The following CAPN9 variants were observed in gnomAD, a reference collection of about 807,000 sequenced individuals.
CAPN9 encodes the protein calpain-9.
Under a neutral mutation model 92.8 loss-of-function variants are expected in CAPN9, and 81 were observed. That is an observed-to-expected ratio of 0.87 (90% confidence interval 0.73 to 1.05). CAPN9 has a LOEUF of 1.05. CAPN9 is among the 50% of genes least tolerant of loss of function. CAPN9 has a pLI of 0.00. For synonymous variants in CAPN9, 304 were observed against 328.0 expected (o/e 0.93, Z 0.79); for missense variants, 848 against 866.2 (o/e 0.98, Z 0.26).
chr1:230,799,337 G>A (rs556917433), intron 19 of CAPN9, among the ~76,000 whole-genome samples: 1 of 152,290 alleles, frequency 6.6e-6, no homozygotes, highest in South Asian at 2.1e-4. Flanking sequence ...TACAGAAAGA[G>A]ACATAGGCCT....
intron 1 of CAPN9, among the ~76,000 whole-genome samples, chr1:230,751,566 G>A (rs1428048903): frequency 7.4e-6 from 1 of 135,996 alleles, no homozygotes; most frequent in Admixed American, 8.0e-5. Flanking sequence ...AGAAGAGAAA[G>A]AAAGAAAGAA....
chr1:230,801,843 G>A lies in CAPN9; in HGVS notation c.*247G>A. On this transcript the variant is annotated 3_prime_UTR_variant, in exon 20 of 20. Coordinates refer to ENST00000271971, the MANE Select transcript of CAPN9 (RefSeq NM_006615.3). ...GGCGCCACCTGTGCCTTACATCCAGGTTCAGGCATCACTAGCTTTCCCACA... is the reference window on the plus strand; with the variant it reads ...GGCGCCACCTGTGCCTTACATCCAGATTCAGGCATCACTAGCTTTCCCACA... 7.4e-6 allele frequency: 4 copies of A among 541,638 alleles called. No individual in the cohort carries two copies. Among genetic ancestry groups the A allele is most frequent in the Non-Finnish European group, 1.3e-5 (4 of 303,698 alleles). 33.6% of individuals were successfully genotyped at this position (541,638 alleles called of 1,614,324 possible).
intron 18 of CAPN9, among the ~76,000 whole-genome samples, chr1:230,796,749 C>G (rs1668385149): frequency 1.3e-5 from 2 of 152,112 alleles, no homozygotes; most frequent in African/African-American, 4.8e-5. Flanking sequence ...ATGAGATTTG[C>G]TAGTTTCTCT....
At position 230,785,412 on chromosome 1, in the gene CAPN9, C is replaced by A. The variant is rs550195509; in HGVS notation, c.1482-569C>A. On this transcript the variant is annotated intron_variant, in intron 11 of 19. Coordinates refer to ENST00000271971, the MANE Select transcript of CAPN9 (RefSeq NM_006615.3). ...ACCAAATCTGATGTTGAATTGTAAT[C>A]CCCAGTGTTAGGGGTGGGGCTTGAT... Among the ~76,000 whole-genome samples the A allele has an allele frequency of 7.2e-5, 11 of 152,254 alleles. No homozygotes were observed. In the East Asian group the frequency reaches 2.1e-3, roughly 29 times the overall value.
intron 7 of CAPN9, among the ~76,000 whole-genome samples, chr1:230,773,802 T>C (rs908390318): frequency 6.6e-6 from 1 of 151,942 alleles, no homozygotes; most frequent in African/African-American, 2.4e-5. Context: ...TGAGGTTGAG[T>C]TGAGATCACA....
At chr1:230,761,011 C>T (rs143220121) in intron 3 of CAPN9, among the ~76,000 whole-genome samples, 10 of 152,220 alleles carry the variant, frequency 6.6e-5, no homozygotes, top group East Asian at 3.9e-4. Flanking sequence ...CATTAACTCC[C>T]GAGGACACTG....
intron 4 of CAPN9, among the ~76,000 whole-genome samples, chr1:230,766,754 TC>T (rs967424787): frequency 9.9e-5 from 15 of 152,282 alleles, no homozygotes; most frequent in African/African-American, 3.4e-4. Flanking sequence ...TCAATTGGAC[TC>T]ACAGTTCCAC....
chr1:230,777,545 C>T (rs1160864364), intron 8 of CAPN9, among the ~76,000 whole-genome samples: 1 of 151,892 alleles, frequency 6.6e-6, no homozygotes, highest in Non-Finnish European at 1.5e-5. Flanking sequence ...TTTCTCCTAC[C>T]TGCAAAGAAA....
At chr1:230,768,855 G>C (rs150893492) in intron 5 of CAPN9, among the ~76,000 whole-genome samples, 1 of 152,076 alleles carries the variant, frequency 6.6e-6, no homozygotes, top group South Asian at 2.1e-4. Context: ...TTCGTCTCTG[G>C]GATGTATGTG....
At chr1:230,778,951 G>T in intron 8 of CAPN9, 22 bp from the exon 9 acceptor site, 1 of 1,606,288 alleles carries the variant, frequency 6.2e-7, no homozygotes, top group East Asian at 2.2e-5. Context: ...CCTGTGCATC[G>T]TGTCTCTCCG....
chr1:230,795,868 C>T (rs922063222), intron 18 of CAPN9, among the ~76,000 whole-genome samples: 3 of 152,038 alleles, frequency 2.0e-5, no homozygotes, highest in African/African-American at 7.2e-5. Flanking sequence ...GCCAAAGGAC[C>T]CGTGCCCTCA....
chr1:230,779,189 G>C, intron 9 of CAPN9, 56 bp downstream of exon 9: 1 of 1,538,722 alleles, frequency 6.5e-7, no homozygotes, highest in South Asian at 1.1e-5. Context: ...TTCCAACTCA[G>C]GACACCAAAG....
intron 9 of CAPN9, 72 bp from the exon 10 acceptor site, chr1:230,780,081 CGTGTGTGTGTGTGTGTGTGTGTGTGT>C: frequency 4.6e-6 from 3 of 645,974 alleles, no homozygotes; most frequent in Non-Finnish European, 7.9e-6. Flanking sequence ...GGTGTATGTG[CGTGTGTGTGTGTGTGTGTGTGTGTGT>C]GTGTGTGTGT....
chr1:230,793,648 TAAAGTGGTTCTCTCCCAGGG>T (rs1259349705), intron 17 of CAPN9, among the ~76,000 whole-genome samples: 2 of 152,194 alleles, frequency 1.3e-5, no homozygotes, highest in African/African-American at 4.8e-5. Flanking sequence ...CTGAACCTTT[TAAAGTGGTTCTCTCCCAGGG>T]AAAGCAAAAT....
intron 4 of CAPN9, among the ~76,000 whole-genome samples, chr1:230,765,438 C>T (rs11122589): frequency 0.053 from 8,062 of 152,198 alleles, 387 homozygotes; most frequent in East Asian, 0.25. Flanking sequence ...GTAGGTGGAT[C>T]ACCTGAGGTC....
chr1:230,769,663 AT>A lies in CAPN9; in HGVS notation c.789+401del, dbSNP rs1218378875. On this transcript the variant is annotated intron_variant, in intron 6 of 19. Transcript: ENST00000271971. Reference sequence around the variant, plus strand: ...TATCTATCTATCTATCTATCTATCTATCTATCTATCTATCTATCTACATCAC... The same window carrying A: ...TATCTATCTATCTATCTATCTATCTACTATCTATCTATCTATCTACATCAC... Among the ~76,000 whole-genome samples, 9 of 115,612 alleles carry A rather than the reference AT, an allele frequency of 7.8e-5. 1 individual carries two copies. Among genetic ancestry groups the A allele is most frequent in the African/African-American group, 2.7e-4 (9 of 33,606 alleles). The allele number at this position is 115,612 out of a possible 152,430, so 75.8% of individuals were successfully genotyped here.
At position 230,764,410 on chromosome 1, in the gene CAPN9, AC is replaced by A. The variant is rs201989591; in HGVS notation, c.536+1630del. ...ACTCAAACTTGGACTTACATCATCA[AC>A]CCCCCAATTCTCAGGCCTTTGGACT... On this transcript the variant is annotated intron_variant, in intron 4 of 19. Coordinates refer to ENST00000271971, the MANE Select transcript of CAPN9 (RefSeq NM_006615.3). Among the ~76,000 whole-genome samples the A allele has an allele frequency of 5.1e-3, 777 of 151,998 alleles. 6 individuals carry two copies. Among genetic ancestry groups the A allele is most frequent in the African/African-American group, 0.018 (732 of 41,406 alleles).
chr1:230,756,529 AGATAGATGATGGAT>A, intron 2 of CAPN9, among the ~76,000 whole-genome samples: 1 of 152,346 alleles, frequency 6.6e-6, no homozygotes, highest in East Asian at 1.9e-4. Context: ...GGATGGGTAT[AGATAGATGATGGAT>A]GATAGACGGA....
intron 2 of CAPN9, among the ~76,000 whole-genome samples, chr1:230,758,973 C>T (rs904423960): frequency 2.0e-5 from 3 of 152,198 alleles, no homozygotes; most frequent in Admixed American, 6.5e-5. Flanking sequence ...AACATGAAGA[C>T]ACAGCTGGGA....
Sources: gnomAD v4.1 joint callset for allele counts (sites outside exome capture counted in the v4.1 genomes callset) on GRCh38, gnomAD v4.1.1 for gene constraint, MANE v1.5 for transcripts, NCBI Gene and HGNC (gene_info 2026-07-23, HGNC 2026-07-21) for gene names.